The following CEP78 variants were observed in gnomAD, a reference collection of about 807,000 sequenced individuals.
The protein encoded by CEP78 is centrosomal protein of 78 kDa.
In CEP78, 76 loss-of-function variants were observed where a neutral mutation model predicts 81.2. The ratio of observed to expected loss-of-function variants is 0.94; its 90% CI spans 0.78 to 1.13. The LOEUF (loss-of-function observed/expected upper bound fraction) is 1.13, where lower values mean the gene tolerates loss of function less well. Ranked by LOEUF, CEP78 falls within the 50% of genes most tolerant of loss-of-function variation. The pLI is 0.00. For missense variants in CEP78, 918 were observed against 846.8 expected (o/e 1.08, Z -1.04); for synonymous variants, 293 against 301.4 (o/e 0.97, Z 0.29).
Position 78,263,002 on chromosome 9 carries a change from T to C in CEP78, c.1458+18T>C, listed in dbSNP as rs1244924715. On this transcript the variant is annotated intron_variant, in intron 12 of 16. Coordinates refer to ENST00000643273, the MANE Select transcript of CEP78 (RefSeq NM_001330691.3). Reference sequence around the variant, plus strand: ...TCAGTGAGGTAAATAAAAGTTTTCTTACCTTTTGAGAGTTTTTTGTTTTGG... The same window carrying C: ...TCAGTGAGGTAAATAAAAGTTTTCTCACCTTTTGAGAGTTTTTTGTTTTGG... 5 of 1,495,036 alleles carry C rather than the reference T, an allele frequency of 3.3e-6. No homozygotes were observed. The African/African-American group carries it at 4.2e-5, about 13-fold the overall frequency. The allele number at this position is 1,495,036 out of a possible 1,614,324, so 92.6% of individuals were successfully genotyped here. A position where few individuals can be genotyped will look rare whatever the true frequency, so the allele number is the denominator to read the frequency against.
intron 16 of CEP78, among the ~76,000 whole-genome samples, chr9:78,270,508 C>CACAT (rs564706702): frequency 3.5e-4 from 54 of 152,268 alleles, no homozygotes; most frequent in African/African-American, 1.2e-3. Context: ...TACTTACCAG[C>CACAT]ACATATACAA....
In CEP78 at chr9:78,266,747, G is replaced by A. The variant is rs376948368; in HGVS notation, c.2107+44G>A. 5 of 1,606,164 alleles carry A rather than the reference G, an allele frequency of 3.1e-6. No homozygotes were observed. In the African/African-American group the frequency reaches 6.7e-5, roughly 22 times the overall value. On this transcript the variant is annotated intron_variant, in intron 16 of 16. Coordinates refer to ENST00000643273, the MANE Select transcript of CEP78 (RefSeq NM_001330691.3). The stretch of plus-strand genomic sequence containing the variant: ...ACTCTGATAAGCAACACCCTGGAAA[G>A]GACCTGCATTCCTGATCTGACTGTC...
chr9:78,269,147 A>G (rs1048862766), intron 16 of CEP78, among the ~76,000 whole-genome samples: 9 of 152,206 alleles, frequency 5.9e-5, no homozygotes, highest in South Asian at 4.1e-4. Flanking sequence ...AAGAAGAGAA[A>G]GGGATCTAAA....
intron 16 of CEP78, among the ~76,000 whole-genome samples, chr9:78,268,042 A>G (rs1827605250): frequency 6.6e-6 from 1 of 152,054 alleles, no homozygotes; most frequent in Non-Finnish European, 1.5e-5. Flanking sequence ...TGAAGGGGAG[A>G]TACACAAGCA....
rs959696457 is a variant in CEP78, at chr9:78,274,839, G to A, written c.*3988G>A. 1 of 152,122 alleles carries A rather than the reference G, an allele frequency of 6.6e-6. No homozygotes were observed. The highest frequency in any genetic ancestry group is 6.5e-5 in the Admixed American group (1 of 15,270). The allele number at this position is 152,122 out of a possible 1,614,324, so 9.4% of individuals were successfully genotyped here. ...AAAGCTGAGGAATTCTACCAAAGAG[G>A]TGTTAGAGGAAATTGTATAGATTTT... On this transcript the variant is annotated 3_prime_UTR_variant, in exon 17 of 17. Coordinates refer to ENST00000643273, the MANE Select transcript of CEP78 (RefSeq NM_001330691.3).
intron 1 of CEP78, among the ~76,000 whole-genome samples, chr9:78,237,936 C>G (rs1171222216): frequency 7.5e-6 from 1 of 134,216 alleles, no homozygotes; most frequent in African/African-American, 2.8e-5. Context: ...ATGGTGAAAC[C>G]CCATCTGTAC....
At chr9:78,246,224 C>T (rs913157045) in intron 5 of CEP78, among the ~76,000 whole-genome samples, 2 of 151,460 alleles carry the variant, frequency 1.3e-5, no homozygotes, top group African/African-American at 2.4e-5. Context: ...TTTTCAATAC[C>T]CAAGATTAAA....
chr9:78,239,961 G>T, intron 1 of CEP78, 62 bp from the exon 2 acceptor site: 1 of 1,351,844 alleles, frequency 7.4e-7, no homozygotes, highest in African/African-American at 1.5e-5. Context: ...GCACAGAGCA[G>T]ATGTTTTTGA....
chr9:78,240,474 T>A, intron 3 of CEP78, 110 bp downstream of exon 3: 3 of 906,218 alleles, frequency 3.3e-6, no homozygotes, highest in Non-Finnish European at 5.3e-6. Flanking sequence ...CCTCATATGC[T>A]TGTTCAAACC....
intron 1 of CEP78, among the ~76,000 whole-genome samples, chr9:78,237,105 C>G (rs1229591210): frequency 6.7e-6 from 1 of 150,034 alleles, no homozygotes; most frequent in African/African-American, 2.5e-5. Flanking sequence ...CTCAACCTCC[C>G]GAGTAGCTGG....
intron 5 of CEP78, among the ~76,000 whole-genome samples, chr9:78,246,237 C>T (rs1358804823): frequency 3.3e-5 from 5 of 151,730 alleles, no homozygotes; most frequent in Non-Finnish European, 7.4e-5. Context: ...AGATTAAAAA[C>T]TGGCCATGAG....
At chr9:78,237,358 G>C (rs766866855) in intron 1 of CEP78, among the ~76,000 whole-genome samples, 1 of 152,072 alleles carries the variant, frequency 6.6e-6, no homozygotes, top group Non-Finnish European at 1.5e-5. Context: ...ATGTATAGTG[G>C]TATAATTAGG....
At position 78,275,707 on chromosome 9, in the gene CEP78, C is replaced by T. The variant is rs1404690706; in HGVS notation, c.*4856C>T. On this transcript the variant is annotated 3_prime_UTR_variant, in exon 17 of 17. Coordinates refer to ENST00000643273, the MANE Select transcript of CEP78 (RefSeq NM_001330691.3). ...GCACTTTGGGACACCAAAGTGGGAA[C>T]ATTGCTGAGACCAGCAGTTTGAGAC... The T allele has an allele frequency of 6.6e-6, 1 of 151,226 alleles. No homozygotes were observed. Among genetic ancestry groups the T allele is most frequent in the Non-Finnish European group, 1.5e-5 (1 of 67,968 alleles). The allele number at this position is 151,226 out of a possible 1,614,324, so 9.4% of individuals were successfully genotyped here. A position where few individuals can be genotyped will look rare whatever the true frequency, so the allele number is the denominator to read the frequency against.
chr9:78,236,806 GCGCCTTCGCAAGGATT>G, intron 1 of CEP78: 1 of 593,960 alleles, frequency 1.7e-6, no homozygotes, highest in Non-Finnish European at 2.7e-6. Context: ...CAGGTTATGT[GCGCCTTCGCAAGGATT>G]CCCTGCGCTG....
At chr9:78,264,833 T>C (rs531735441) in intron 13 of CEP78, among the ~76,000 whole-genome samples, 31 of 152,318 alleles carry the variant, frequency 2.0e-4, no homozygotes, top group Non-Finnish European at 3.1e-4. Context: ...AAAATTGTTA[T>C]TAATCTGCAG....
At chr9:78,257,174 T>C (rs534917220) in intron 11 of CEP78, among the ~76,000 whole-genome samples, 1 of 150,878 alleles carries the variant, frequency 6.6e-6, no homozygotes, top group South Asian at 2.1e-4. Flanking sequence ...CACTGTAAAA[T>C]TTCAAGATAC....
chr9:78,267,196 T>A lies in CEP78; in HGVS notation c.2107+493T>A, dbSNP rs1438865093. On this transcript the variant is annotated intron_variant, in intron 16 of 16. Transcript: ENST00000643273. ...TAGTTTACAACATTGATTCAGCAAT[T>A]GTTTACTGAGGGGCTAGTATGTATA... 2.7e-5 allele frequency: 13 copies of A among 478,612 alleles called. No homozygotes were observed. In the East Asian group the frequency reaches 8.4e-4, roughly 31 times the overall value. 29.6% of individuals were successfully genotyped at this position (478,612 alleles called of 1,614,324 possible). A position where few individuals can be genotyped will look rare whatever the true frequency, so the allele number is the denominator to read the frequency against.
rs536347494 is a variant in CEP78 at position 78,273,356 on chromosome 9, T to C, written c.*2505T>C. ...GACTAAATAGAACCCAAGGTGAAAA[T>C]TGGTAAAGGGGACAAAAGCTTCTTT... On this transcript the variant is annotated 3_prime_UTR_variant, in exon 17 of 17. Coordinates refer to ENST00000643273, the MANE Select transcript of CEP78 (RefSeq NM_001330691.3). 1 of 152,070 alleles carries C rather than the reference T, an allele frequency of 6.6e-6. No individual in the cohort carries two copies. The highest frequency in any genetic ancestry group is 1.5e-5 in the Non-Finnish European group (1 of 68,008). The allele number at this position is 152,070 out of a possible 1,614,324, so 9.4% of individuals were successfully genotyped here.
intron 6 of CEP78, 119 bp from the exon 7 acceptor site, chr9:78,248,170 ATG>A: frequency 1.5e-6 from 1 of 677,434 alleles, no homozygotes; most frequent in Non-Finnish European, 2.7e-6. Context: ...TAATTACATT[ATG>A]TGGAATTCAT....
Sources: allele counts gnomAD v4.1 joint callset (sites outside exome capture counted in the v4.1 genomes callset), GRCh38; gene constraint gnomAD v4.1.1; transcripts MANE v1.5; gene names NCBI Gene and HGNC (gene_info 2026-07-23, HGNC 2026-07-21).